ADAMTS18: variants seen among roughly 807,000 people sequenced by gnomAD.
ADAMTS18 encodes ADAM metallopeptidase with thrombospondin type 1 motif 18.
ADAMTS18 carries 157 observed loss-of-function variants against 165.9 expected under a neutral mutation model. The observed-to-expected ratio is 0.95, with a 90% CI of 0.83 to 1.08. ADAMTS18 has a LOEUF of 1.08. ADAMTS18 is among the 50% of genes least tolerant of loss of function. ADAMTS18 has a pLI of 0.00. For missense variants in ADAMTS18, 2,040 were observed against 1,534.0 expected (o/e 1.33, Z -5.51); for synonymous variants, 782 against 578.2 (o/e 1.35, Z -5.06).
intron 9 of ADAMTS18, among the ~76,000 whole-genome samples, chr16:77,355,202 T>TTGTGCGTGTG (rs1555517725): frequency 6.8e-6 from 1 of 146,598 alleles, no homozygotes; most frequent in African/African-American, 2.5e-5. Flanking sequence ...AAAGGTAGGA[T>TTGTGCGTGTG]TGTGTGTGTG....
At chr16:77,312,598 T>A (rs994066381) in intron 16 of ADAMTS18, among the ~76,000 whole-genome samples, 1 of 152,158 alleles carries the variant, frequency 6.6e-6, no homozygotes, top group Non-Finnish European at 1.5e-5. Flanking sequence ...AATCTTAAAG[T>A]TTACTTTTTG....
At chr16:77,350,866 T>G (rs2056545716) in intron 10 of ADAMTS18, among the ~76,000 whole-genome samples, 1 of 152,154 alleles carries the variant, frequency 6.6e-6, no homozygotes, top group Admixed American at 6.5e-5. Flanking sequence ...TTAGTTCCTT[T>G]TCGTTGTTGT....
chr16:77,289,351 G>C lies in ADAMTS18; in HGVS notation c.3463C>G (p.Arg1155Gly), dbSNP rs143681049. 1 of 1,614,108 alleles carries C rather than the reference G, an allele frequency of 6.2e-7. No homozygotes were observed. The highest frequency in any genetic ancestry group is 1.3e-5 in the African/African-American group (1 of 75,004). Residue 1155 changes from arginine to glycine, a missense_variant, in exon 22 of 23, where the codon CGG (arginine) becomes GGG (glycine). Transcript: ENST00000282849. ...TGGAGCAGACAACTTGAGGAAGGCC[G>C]GCCTTGCTGAACACAGTGGACTGAC... Reference protein sequence around the residue: ...TRSVHCVQQGRPSSSCLLHQK... With the variant: ...TRSVHCVQQGGPSSSCLLHQK...
intron 10 of ADAMTS18, among the ~76,000 whole-genome samples, chr16:77,346,554 T>C (rs77193164): frequency 0.088 from 13,415 of 152,212 alleles, 813 homozygotes; most frequent in East Asian, 0.27. Flanking sequence ...ATTATTTCAT[T>C]GTATCATCAT....
intron 3 of ADAMTS18, among the ~76,000 whole-genome samples, chr16:77,418,515 CA>C (rs1413404768): frequency 6.6e-6 from 1 of 152,138 alleles, no homozygotes; most frequent in Non-Finnish European, 1.5e-5. Context: ...ATGCCCTGCA[CA>C]AGAAAGAATT....
rs74028903 is a variant in ADAMTS18, at chr16:77,404,287, G to T, written c.495+27008C>A. On this transcript the variant is annotated intron_variant, in intron 3 of 22. Transcript: ENST00000282849. Reference sequence around the variant, plus strand: ...AATAGATGCCTATGACCAAAGGGAAGGTGGAACTTTTCAGGGCAACAAGCA... The same window carrying T: ...AATAGATGCCTATGACCAAAGGGAATGTGGAACTTTTCAGGGCAACAAGCA... 4.9e-3 allele frequency among the ~76,000 whole-genome samples: 741 copies of T among 152,270 alleles called. 8 individuals are homozygous for T. The highest frequency in any genetic ancestry group is 0.017 in the African/African-American group (718 of 41,554).
intron 3 of ADAMTS18, among the ~76,000 whole-genome samples, chr16:77,381,592 A>G (rs2057031555): frequency 6.6e-6 from 1 of 152,078 alleles, no homozygotes; most frequent in Non-Finnish European, 1.5e-5. Flanking sequence ...TCACGAGGTC[A>G]GAAGTTCGAG....
chr16:77,305,139 T>C (rs1387321729), intron 16 of ADAMTS18, among the ~76,000 whole-genome samples: 1 of 152,126 alleles, frequency 6.6e-6, no homozygotes, highest in Non-Finnish European at 1.5e-5. Flanking sequence ...ATATAAAAGA[T>C]AAGTATGTGC....
intron 12 of ADAMTS18, among the ~76,000 whole-genome samples, chr16:77,331,634 T>C (rs982137505): frequency 3.9e-5 from 6 of 152,152 alleles, no homozygotes; most frequent in East Asian, 1.9e-4. Flanking sequence ...TTTGGCAATG[T>C]CTGGAGACAT....
chr16:77,300,655 A>T (rs924600150), intron 16 of ADAMTS18, among the ~76,000 whole-genome samples: 3 of 152,080 alleles, frequency 2.0e-5, no homozygotes, highest in African/African-American at 7.2e-5. Context: ...CATTTGCCAT[A>T]AGCCCATAAC....
intron 3 of ADAMTS18, among the ~76,000 whole-genome samples, chr16:77,414,821 A>G (rs973335128): frequency 6.6e-6 from 1 of 152,242 alleles, no homozygotes; most frequent in Non-Finnish European, 1.5e-5. Flanking sequence ...TTACATCATT[A>G]CCCCACATGT....
intron 22 of ADAMTS18, among the ~76,000 whole-genome samples, chr16:77,287,630 C>CCCAGCTAGTTTTTATATTCTTAG (rs2055278988): frequency 6.6e-6 from 1 of 152,120 alleles, no homozygotes; most frequent in African/African-American, 2.4e-5. Flanking sequence ...TGCCACCACA[C>CCCAGCTAGTTTTTATATTCTTAG]CCAGCTAGTT....
intron 19 of ADAMTS18, among the ~76,000 whole-genome samples, chr16:77,294,398 C>T (rs960503512): frequency 6.6e-6 from 1 of 152,120 alleles, no homozygotes; most frequent in Admixed American, 6.5e-5. Context: ...CGGTTGAGAA[C>T]CTTTGCTTTA....
At chr16:77,342,190 A>G (rs2056408642) in intron 10 of ADAMTS18, among the ~76,000 whole-genome samples, 1 of 152,172 alleles carries the variant, frequency 6.6e-6, no homozygotes, top group African/African-American at 2.4e-5. Context: ...TTCATGCCCT[A>G]TGGACATGTT....
intron 12 of ADAMTS18, among the ~76,000 whole-genome samples, chr16:77,334,464 T>G (rs2056255614): frequency 8.9e-6 from 1 of 112,688 alleles, no homozygotes; most frequent in Non-Finnish European, 1.6e-5. Context: ...ATAGTATATA[T>G]ACTGTATATT....
chr16:77,370,089 T>TATATGAC (rs1453840138), intron 3 of ADAMTS18, among the ~76,000 whole-genome samples: 3 of 152,074 alleles, frequency 2.0e-5, no homozygotes, highest in African/African-American at 7.2e-5. Context: ...CTCAACACAA[T>TATATGAC]AAAGGCCATA....
intron 10 of ADAMTS18, among the ~76,000 whole-genome samples, chr16:77,344,028 G>T (rs1380804110): frequency 6.7e-6 from 1 of 149,844 alleles, no homozygotes; most frequent in Non-Finnish European, 1.5e-5. Flanking sequence ...AATATGGCAA[G>T]AATATGCTTA....
Position 77,341,803 on chromosome 16 carries a change from A to G in ADAMTS18, c.1615-4T>C, listed in dbSNP as rs756375013. The G allele has an allele frequency of 1.0e-5, 16 of 1,605,280 alleles. No homozygotes were observed. The highest frequency in any genetic ancestry group is 1.4e-5 in the Non-Finnish European group (16 of 1,175,094). On this transcript the variant is annotated splice_polypyrimidine_tract_variant and splice_region_variant and intron_variant, in intron 10 of 22. Transcript: ENST00000282849. ...ACCAAAGTGATTTGCAAATATCCTGAAATAAAAAAAAAGGGGGGTGCTGTT... is the reference window on the plus strand; with the variant it reads ...ACCAAAGTGATTTGCAAATATCCTGGAATAAAAAAAAAGGGGGGTGCTGTT...
At chr16:77,334,513 G>C (rs1467983769) in intron 12 of ADAMTS18, among the ~76,000 whole-genome samples, 1 of 109,110 alleles carries the variant, frequency 9.2e-6, no homozygotes, top group Non-Finnish European at 1.7e-5. Context: ...GTATATTATA[G>C]TATATATTAT....
Sources: allele counts gnomAD v4.1 joint callset (sites outside exome capture counted in the v4.1 genomes callset), GRCh38; gene constraint gnomAD v4.1.1; transcripts MANE v1.5; gene names NCBI Gene and HGNC (gene_info 2026-07-23, HGNC 2026-07-21).